The following PAFAH1B1 variants were observed in gnomAD, a reference collection of about 807,000 sequenced individuals.
The protein encoded by PAFAH1B1 is platelet-activating factor acetylhydrolase IB subunit beta.
A neutral mutation model predicts 57.5 loss-of-function variants in PAFAH1B1; 2 were observed. That is an observed-to-expected ratio of 0.03 (90% CI 0.01 to 0.11). The LOEUF is 0.11. PAFAH1B1 is among the 10% of genes least tolerant of loss of function. The pLI, the probability that PAFAH1B1 is intolerant of heterozygous loss-of-function variation, is 1.00. For missense variants in PAFAH1B1, 257 were observed against 512.0 expected (o/e 0.50, Z 4.81); for synonymous variants, 152 against 169.6 (o/e 0.90, Z 0.81).
rs1374981361 is a variant in PAFAH1B1 at position 2,593,918 on chromosome 17, C to CCTCCCTCCCCT, written c.-268_-258dup. 3.5e-5 allele frequency: 7 copies of CCTCCCTCCCCT among 199,068 alleles called. No individual in the cohort carries two copies. The highest frequency in any genetic ancestry group is 5.9e-5 in the Non-Finnish European group (6 of 100,870). 12.3% of individuals were successfully genotyped at this position (199,068 alleles called of 1,614,324 possible). A position where few individuals can be genotyped will look rare whatever the true frequency, so the allele number is the denominator to read the frequency against. ...CCCCTCCTTCCCTCCCTCCCTCCTT[C>CCTCCCTCCCCT]CTCCCTCCCCTCTCCCTCCCCCTCC... On this transcript the variant is annotated 5_prime_UTR_variant, in exon 1 of 11. Coordinates refer to ENST00000397195, the MANE Select transcript of PAFAH1B1 (RefSeq NM_000430.4).
chr17:2,603,138 G>A (rs1235636883), intron 1 of PAFAH1B1, among the ~76,000 whole-genome samples: 1 of 152,128 alleles, frequency 6.6e-6, no homozygotes, highest in Non-Finnish European at 1.5e-5. Context: ...AGAACAGAGT[G>A]CAGTGAATAC....
At chr17:2,619,833 AC>A (rs1215378656) in intron 1 of PAFAH1B1, among the ~76,000 whole-genome samples, 1 of 152,140 alleles carries the variant, frequency 6.6e-6, no homozygotes, top group Non-Finnish European at 1.5e-5. Flanking sequence ...ATGCTGGAGT[AC>A]CGTGGTTTGA....
At chr17:2,594,333 C>T (rs1367268657) in intron 1 of PAFAH1B1, among the ~76,000 whole-genome samples, 3 of 152,208 alleles carry the variant, frequency 2.0e-5, no homozygotes, top group African/African-American at 7.2e-5. Context: ...GAAGGGATCG[C>T]CCTCCTCCCT....
At chr17:2,632,711 A>G (rs2068570789) in intron 1 of PAFAH1B1, among the ~76,000 whole-genome samples, 1 of 152,232 alleles carries the variant, frequency 6.6e-6, no homozygotes, top group Non-Finnish European at 1.5e-5. Flanking sequence ...AACTATTTAC[A>G]TAATATTTAC....
intron 5 of PAFAH1B1, among the ~76,000 whole-genome samples, chr17:2,669,827 C>G (rs2069156850): frequency 6.6e-6 from 1 of 151,760 alleles, no homozygotes; most frequent in Non-Finnish European, 1.5e-5. Context: ...ATTTCTTCCC[C>G]TTAAGTTTCC....
chr17:2,656,041 G>T (rs2068931985), intron 2 of PAFAH1B1, among the ~76,000 whole-genome samples: 1 of 152,014 alleles, frequency 6.6e-6, no homozygotes, highest in African/African-American at 2.4e-5. Context: ...TCCTGCTTCA[G>T]CCTCCCAAGT....
rs1484574037 is a variant in PAFAH1B1, at chr17:2,685,351, A to G, written c.*3549A>G. 1 of 152,638 alleles carries G rather than the reference A, an allele frequency of 6.6e-6. No individual in the cohort carries two copies. The highest frequency in any genetic ancestry group is 2.4e-5 in the African/African-American group (1 of 41,442). 9.5% of individuals were successfully genotyped at this position (152,638 alleles called of 1,614,324 possible). A position where few individuals can be genotyped will look rare whatever the true frequency, so the allele number is the denominator to read the frequency against. Reference sequence around the variant, plus strand: ...TCTTCGAGTTAAAGTTGATCCTGACACTGACATGAAGGCAAGCCTTGATTT... The same window carrying G: ...TCTTCGAGTTAAAGTTGATCCTGACGCTGACATGAAGGCAAGCCTTGATTT... On this transcript the variant is annotated 3_prime_UTR_variant, in exon 11 of 11. Coordinates refer to ENST00000397195, the MANE Select transcript of PAFAH1B1 (RefSeq NM_000430.4).
intron 1 of PAFAH1B1, among the ~76,000 whole-genome samples, chr17:2,598,991 CTTA>C (rs1366345767): frequency 1.3e-5 from 2 of 152,208 alleles, no homozygotes; most frequent in South Asian, 2.1e-4. Context: ...ATCATAAGCA[CTTA>C]TTATTTTATT....
At chr17:2,651,101 A>T (rs760487158) in intron 2 of PAFAH1B1, among the ~76,000 whole-genome samples, 1 of 152,100 alleles carries the variant, frequency 6.6e-6, no homozygotes, top group Admixed American at 6.6e-5. Context: ...TTTGTTGATT[A>T]TGCAAGAAAG....
intron 1 of PAFAH1B1, among the ~76,000 whole-genome samples, chr17:2,600,946 G>A (rs12939922): frequency 1.3e-5 from 2 of 152,128 alleles, no homozygotes; most frequent in Middle Eastern, 6.8e-3. Context: ...TGGCCAGGCT[G>A]ATCTCGAACT....
chr17:2,634,557 AT>A (rs1322041846), intron 1 of PAFAH1B1, among the ~76,000 whole-genome samples: 3 of 151,534 alleles, frequency 2.0e-5, no homozygotes, highest in Non-Finnish European at 4.4e-5. Context: ...AATGCATCTC[AT>A]TTTTTTTATT....
intron 9 of PAFAH1B1, chr17:2,679,744 T>C: frequency 4.2e-6 from 1 of 236,984 alleles, no homozygotes; most frequent in Non-Finnish European, 8.4e-6. Context: ...CATGTATGTG[T>C]GTATATTTTG....
rs541534462 is a variant in PAFAH1B1 at position 2,678,050 on chromosome 17, A to G, written c.1002+1444A>G. 5.5e-3 allele frequency among the ~76,000 whole-genome samples: 831 copies of G among 151,926 alleles called. 6 individuals carry two copies. Among genetic ancestry groups the G allele is most frequent in the South Asian group, 0.016 (79 of 4,802 alleles). On this transcript the variant is annotated intron_variant, in intron 9 of 10. Transcript: ENST00000397195. ...GGCAGGTGGATCACCTGAGGTCAGG[A>G]GTTCAGGACCAGCCTGGCCAACATG...
At chr17:2,613,725 C>A in intron 1 of PAFAH1B1, 1 of 297,094 alleles carries the variant, frequency 3.4e-6, no homozygotes, top group Non-Finnish European at 6.8e-6. Context: ...TCCTCAAGGG[C>A]TGGGGCCTCC....
intron 2 of PAFAH1B1, chr17:2,659,465 G>C (rs984231208): frequency 3.8e-6 from 1 of 262,218 alleles, no homozygotes; most frequent in Non-Finnish European, 7.8e-6. Flanking sequence ...AGGTTGTGGT[G>C]AGCTGAGATT....
chr17:2,660,521 G>A (rs2069000801), intron 2 of PAFAH1B1, among the ~76,000 whole-genome samples: 1 of 152,102 alleles, frequency 6.6e-6, no homozygotes, highest in Non-Finnish European at 1.5e-5. Flanking sequence ...TTCTGTTCCT[G>A]TGTTAGTCTG....
At chr17:2,597,487 T>C (rs1434004975) in intron 1 of PAFAH1B1, among the ~76,000 whole-genome samples, 1 of 140,596 alleles carries the variant, frequency 7.1e-6, no homozygotes, top group Admixed American at 7.6e-5. Context: ...CTCAGCTCAC[T>C]GCAACCTCTG....
intron 5 of PAFAH1B1, among the ~76,000 whole-genome samples, chr17:2,668,957 CAA>C (rs2069144406): frequency 6.6e-6 from 1 of 151,724 alleles, no homozygotes; most frequent in Non-Finnish European, 1.5e-5. Flanking sequence ...GCCTGGGCGA[CAA>C]GAGTGAGACA....
chr17:2,639,112 A>G (rs896912482), intron 2 of PAFAH1B1, among the ~76,000 whole-genome samples: 1 of 150,774 alleles, frequency 6.6e-6, no homozygotes, highest in African/African-American at 2.4e-5. Context: ...GTTAGCCAGG[A>G]TGGTCTCAAT....
Sources: allele counts gnomAD v4.1 joint callset (sites outside exome capture counted in the v4.1 genomes callset), GRCh38; gene constraint gnomAD v4.1.1; transcripts MANE v1.5; gene names NCBI Gene and HGNC (gene_info 2026-07-23, HGNC 2026-07-21).